ANKRD44: variants seen among roughly 807,000 people sequenced by gnomAD.
The protein encoded by ANKRD44 is serine/threonine-protein phosphatase 6 regulatory ankyrin repeat subunit B.
ANKRD44 carries 35 observed loss-of-function variants against 116.0 expected under a neutral mutation model. The ratio of observed to expected loss-of-function variants is 0.30; its 90% CI spans 0.23 to 0.40. ANKRD44 has a LOEUF of 0.40. Among genes scored for constraint, ANKRD44 ranks in the 10% least tolerant of loss-of-function variants. The pLI is 1.00. For missense variants in ANKRD44, 1,014 were observed against 1,242.6 expected, an observed-to-expected ratio of 0.82 and a Z score of 2.77; for synonymous variants, 435 against 461.8, an observed-to-expected ratio of 0.94 and a Z score of 0.74.
intron 1 of ANKRD44, among the ~76,000 whole-genome samples, chr2:197,252,399 T>C (rs1035071854): frequency 2.0e-4 from 29 of 148,034 alleles, no homozygotes; most frequent in Non-Finnish European, 3.9e-4. Context: ...AATATATATA[T>C]ATGTAATTTT....
intron 1 of ANKRD44, among the ~76,000 whole-genome samples, chr2:197,226,700 A>T (rs1487683480): frequency 6.6e-6 from 1 of 152,040 alleles, no homozygotes; most frequent in Admixed American, 6.6e-5. Context: ...ATGTATAGTG[A>T]GGGTCAGGTA....
chr2:197,045,191 A>G (rs2076980408), intron 16 of ANKRD44, among the ~76,000 whole-genome samples: 1 of 151,972 alleles, frequency 6.6e-6, no homozygotes, highest in Non-Finnish European at 1.5e-5. Context: ...TTTGCTGAAC[A>G]GACAGGAGCT....
chr2:197,185,016 G>A (rs1220665920), intron 2 of ANKRD44, among the ~76,000 whole-genome samples: 1 of 152,194 alleles, frequency 6.6e-6, no homozygotes, highest in Non-Finnish European at 1.5e-5. Flanking sequence ...CAGAACAAAA[G>A]TTCCATTTGC....
intron 6 of ANKRD44, among the ~76,000 whole-genome samples, chr2:197,123,670 T>C (rs1314475499): frequency 2.0e-5 from 3 of 152,156 alleles, no homozygotes; most frequent in Non-Finnish European, 4.4e-5. Flanking sequence ...ACAAGCATAT[T>C]TGACCTTTAT....
chr2:197,041,144 T>C (rs937451342), intron 16 of ANKRD44, among the ~76,000 whole-genome samples: 3 of 152,180 alleles, frequency 2.0e-5, no homozygotes, highest in Non-Finnish European at 4.4e-5. Context: ...CTTTCCCTTC[T>C]TCCAAAGGCA....
chr2:197,028,551 T>A lies in ANKRD44; in HGVS notation c.1651-3284A>T, dbSNP rs527695920. Among the ~76,000 whole-genome samples, 3 of 152,314 alleles carry A rather than the reference T, an allele frequency of 2.0e-5. No individual in the cohort carries two copies. The South Asian group carries it at 6.2e-4, about 32-fold the overall frequency. On this transcript the variant is annotated intron_variant, in intron 16 of 27. Transcript: ENST00000282272. Reference sequence around the variant, plus strand: ...GAGGCTGGACAACTAAACACCACATTTCCTAGACTCCCTTGAGCTACAGCT... The same window carrying A: ...GAGGCTGGACAACTAAACACCACATATCCTAGACTCCCTTGAGCTACAGCT...
rs77218866 is a variant in ANKRD44, at chr2:197,292,436, G to T, written c.27+18142C>A. On this transcript the variant is annotated intron_variant, in intron 1 of 27. Transcript: ENST00000282272. ...TTATCTGATGACCAGTGATGATGTT[G>T]CTCATGTATTTTTTAAGTGAAGGTG... 3.2e-3 allele frequency among the ~76,000 whole-genome samples: 491 copies of T among 152,236 alleles called. 31 individuals carry two copies. In the East Asian group the frequency reaches 0.081, roughly 25 times the overall value.
intron 1 of ANKRD44, among the ~76,000 whole-genome samples, chr2:197,253,745 G>A (rs2082375261): frequency 6.6e-6 from 1 of 152,176 alleles, no homozygotes; most frequent in South Asian, 2.1e-4. Context: ...AAGCTCTGCA[G>A]TTAGTTTTGT....
chr2:197,071,234 C>T (rs990294030), intron 16 of ANKRD44, among the ~76,000 whole-genome samples: 5 of 152,042 alleles, frequency 3.3e-5, no homozygotes, highest in Non-Finnish European at 7.4e-5. Flanking sequence ...TATCAATTTT[C>T]TGCTTATTTT....
chr2:197,046,417 G>A (rs1033808539), intron 16 of ANKRD44, among the ~76,000 whole-genome samples: 5 of 151,986 alleles, frequency 3.3e-5, no homozygotes, highest in African/African-American at 4.8e-5. Context: ...TGTGGTGCAC[G>A]CAGAAATGCT....
Position 196,989,084 on chromosome 2 carries a change from A to G in ANKRD44, c.*507T>C, listed in dbSNP as rs2125872336. 1 of 985,314 alleles carries G rather than the reference A, an allele frequency of 1.0e-6. No individual in the cohort carries two copies. Among genetic ancestry groups the G allele is most frequent in the Non-Finnish European group, 1.2e-6 (1 of 829,950 alleles). The allele number at this position is 985,314 out of a possible 1,614,324, so 61.0% of individuals were successfully genotyped here. On this transcript the variant is annotated 3_prime_UTR_variant, in exon 28 of 28. Transcript: ENST00000282272. Reference sequence around the variant, plus strand: ...TGGAAACCTTAGCAGTGGAAATGCTAGGTTTGGCCCTTGGGCTTTTGGCTA... The same window carrying G: ...TGGAAACCTTAGCAGTGGAAATGCTGGGTTTGGCCCTTGGGCTTTTGGCTA...
At chr2:197,153,607 T>C (rs1288833040) in intron 2 of ANKRD44, among the ~76,000 whole-genome samples, 2 of 152,336 alleles carry the variant, frequency 1.3e-5, no homozygotes, top group African/African-American at 4.8e-5. Flanking sequence ...CATGCTTCTT[T>C]TGAAATTTTT....
intron 2 of ANKRD44, 88 bp from the exon 3 acceptor site, chr2:197,147,193 T>C (rs2079527127): frequency 5.7e-6 from 6 of 1,048,832 alleles, no homozygotes. Context: ...TCACTCACTC[T>C]GTGGTTAATG....
At chr2:197,310,439 C>G in intron 1 of ANKRD44, 139 bp downstream of exon 1, 3 of 498,568 alleles carry the variant, frequency 6.0e-6, no homozygotes, top group Non-Finnish European at 7.7e-6. Flanking sequence ...CTCGGAGGCA[C>G]CGGCGGCCGC....
intron 17 of ANKRD44, chr2:197,015,326 G>A (rs2076371903): frequency 4.2e-6 from 2 of 480,020 alleles, no homozygotes; most frequent in South Asian, 3.7e-5. Context: ...ATTTTAAAAG[G>A]TATGGCAAGA....
At chr2:197,061,783 C>CTTTTTTTTT (rs3031992) in intron 16 of ANKRD44, among the ~76,000 whole-genome samples, 1 of 143,768 alleles carries the variant, frequency 7.0e-6, no homozygotes. Flanking sequence ...ATATCCATGC[C>CTTTTTTTTT]TTTTTTTTTT....
intron 16 of ANKRD44, among the ~76,000 whole-genome samples, chr2:197,076,611 G>T (rs1189133563): frequency 6.6e-6 from 1 of 151,984 alleles, no homozygotes; most frequent in Non-Finnish European, 1.5e-5. Context: ...CAGGTACTAA[G>T]CCTTTTACCA....
rs181816085 is a variant in ANKRD44, at chr2:197,037,507, A to G, written c.1651-12240T>C. Among the ~76,000 whole-genome samples, 48 of 152,368 alleles carry G rather than the reference A, an allele frequency of 3.2e-4. 1 individual carries two copies. In the Middle Eastern group the frequency reaches 0.01, roughly 32 times the overall value. ...ATAAATGTTTATAGAACTGAATTTA[A>G]ATCTGGTAAGTGAATGAGACAGCAT... On this transcript the variant is annotated intron_variant, in intron 16 of 27. Transcript: ENST00000282272.
chr2:197,211,703 C>T (rs1438434020), intron 1 of ANKRD44, among the ~76,000 whole-genome samples: 1 of 152,126 alleles, frequency 6.6e-6, no homozygotes, highest in Non-Finnish European at 1.5e-5. Flanking sequence ...GTCAGGGCCA[C>T]ACCATCCTGC....
Sources: allele counts gnomAD v4.1 joint callset (sites outside exome capture counted in the v4.1 genomes callset), GRCh38; gene constraint gnomAD v4.1.1; transcripts MANE v1.5; gene names NCBI Gene and HGNC (gene_info 2026-07-23, HGNC 2026-07-21).